The following CDKL4 variants were observed in gnomAD, a reference collection of about 807,000 sequenced individuals.
CDKL4 encodes cyclin dependent kinase like 4.
A neutral mutation model predicts 42.0 loss-of-function variants in CDKL4; 44 were observed. The ratio of observed to expected loss-of-function variants is 1.05; its 90% CI spans 0.82 to 1.35. The LOEUF is 1.35. Among genes scored for constraint, CDKL4 ranks in the 40% most tolerant of loss-of-function variants. The probability of loss-of-function intolerance (pLI) is 0.00; values close to 1 mark genes in which losing one functional copy is unlikely to be tolerated. For synonymous variants in CDKL4, 120 were observed against 121.6 expected (o/e 0.99, Z 0.09); for missense variants, 393 against 369.9 (o/e 1.06, Z -0.51).
intron 1 of CDKL4, among the ~76,000 whole-genome samples, chr2:39,236,154 T>TAAAAAAAAAAAA (rs58561018): frequency 1.1e-5 from 1 of 87,820 alleles, no homozygotes; most frequent in Non-Finnish European, 2.6e-5. Flanking sequence ...AATTTTAGAG[T>TAAAAAAAAAAAA]AAAAAAAAAA....
intron 3 of CDKL4, among the ~76,000 whole-genome samples, chr2:39,217,222 CAA>C (rs929390454): frequency 1.3e-5 from 2 of 152,130 alleles, no homozygotes; most frequent in African/African-American, 4.8e-5. Context: ...TGGGCCAGTG[CAA>C]AACCAAATAT....
intron 4 of CDKL4, among the ~76,000 whole-genome samples, chr2:39,206,563 T>C (rs1178358642): frequency 3.3e-5 from 5 of 152,194 alleles, no homozygotes; most frequent in Non-Finnish European, 5.9e-5. Flanking sequence ...GCGGAGGTGC[T>C]GTGAGAAAAC....
chr2:39,204,366 G>A (rs1487058715), intron 5 of CDKL4, among the ~76,000 whole-genome samples, 161 bp downstream of exon 5: 2 of 152,202 alleles, frequency 1.3e-5, no homozygotes. Flanking sequence ...CAGAGTTGAA[G>A]TGCAAACGAA....
At chr2:39,198,678 A>C (rs535931649) in intron 5 of CDKL4, among the ~76,000 whole-genome samples, 5 of 149,430 alleles carry the variant, frequency 3.3e-5, no homozygotes, top group African/African-American at 1.3e-4. Flanking sequence ...CAACTCCAAA[A>C]GGAATTCTCA....
chr2:39,190,606 G>GA, intron 5 of CDKL4, 104 bp from the exon 6 acceptor site: 1 of 916,212 alleles, frequency 1.1e-6, no homozygotes, highest in Non-Finnish European at 1.8e-6. Context: ...CAGAGGCCAT[G>GA]ATACTCTTAA....
chr2:39,184,970 A>G (rs984179955), intron 7 of CDKL4, among the ~76,000 whole-genome samples: 1 of 151,506 alleles, frequency 6.6e-6, no homozygotes, highest in Non-Finnish European at 1.5e-5. Flanking sequence ...TCTGGCCTCA[A>G]GTGATTCTTC....
chr2:39,215,237 T>C (rs552158880), intron 3 of CDKL4, among the ~76,000 whole-genome samples: 22 of 152,366 alleles, frequency 1.4e-4, no homozygotes, highest in Non-Finnish European at 2.9e-4. Context: ...ATTTTACTAA[T>C]GTTTAGTGAT....
Position 39,185,407 on chromosome 2 carries a change from TATATATACATATATATATAC to T in CDKL4, c.736-780_736-761del, listed in dbSNP as rs1343119537. ...ATATACATGTATATATACATATGTG[TATATATACATATATATATAC>T]ATATGTATATATACATGTATATATA... On this transcript the variant is annotated intron_variant, in intron 7 of 9. Coordinates refer to ENST00000451199, the Ensembl canonical transcript of CDKL4. Among the ~76,000 whole-genome samples the T allele has an allele frequency of 2.2e-4, 4 of 18,176 alleles. 1 individual carries two copies. Among genetic ancestry groups the T allele is most frequent in the African/African-American group, 3.9e-4 (4 of 10,146 alleles). The allele number at this position is 18,176 out of a possible 152,430, so 11.9% of individuals were successfully genotyped here. A position where few individuals can be genotyped will look rare whatever the true frequency, so the allele number is the denominator to read the frequency against.
chr2:39,203,332 G>A (rs1416595413), intron 5 of CDKL4, among the ~76,000 whole-genome samples: 3 of 152,114 alleles, frequency 2.0e-5, no homozygotes, highest in Non-Finnish European at 2.9e-5. Flanking sequence ...CAATTATGAA[G>A]TAACTTTTAT....
intron 7 of CDKL4, among the ~76,000 whole-genome samples, chr2:39,185,373 CATATGTATATATACATGTATATAT>C (rs1425556958): frequency 9.2e-5 from 5 of 54,512 alleles, no homozygotes; most frequent in Admixed American, 2.2e-4. Context: ...TATATATATA[CATATGTATATATACATGTATATAT>C]ACATATGTGT....
intron 3 of CDKL4, among the ~76,000 whole-genome samples, chr2:39,214,172 C>T (rs1677769636): frequency 1.3e-5 from 2 of 152,120 alleles, no homozygotes; most frequent in Non-Finnish European, 1.5e-5. Context: ...ATCCACCTGC[C>T]TCGCCCTCCT....
chr2:39,245,544 G>A (rs1679877763), upstream of CDKL4, among the ~76,000 whole-genome samples: 1 of 152,184 alleles, frequency 6.6e-6, no homozygotes, highest in Admixed American at 6.5e-5. Context: ...GTATAACCTC[G>A]GGGCCGAGCC....
At chr2:39,229,448 C>G in exon 2 of CDKL4, 1 of 1,613,602 alleles carries the variant, frequency 6.2e-7, no homozygotes, top group Non-Finnish European at 8.5e-7. Flanking sequence ...ACAGCTACTA[C>G]TTGTCCAGAG....
At chr2:39,193,310 C>T (rs975821044) in intron 5 of CDKL4, among the ~76,000 whole-genome samples, 1 of 148,982 alleles carries the variant, frequency 6.7e-6, no homozygotes, top group African/African-American at 2.5e-5. Flanking sequence ...GGATGATTTT[C>T]TATGAGTGGA....
At chr2:39,199,303 C>A (rs1676707290) in intron 5 of CDKL4, among the ~76,000 whole-genome samples, 1 of 151,898 alleles carries the variant, frequency 6.6e-6, no homozygotes, top group Non-Finnish European at 1.5e-5. Context: ...GAAATAGAAC[C>A]TCTGAACAGA....
At chr2:39,220,275 T>G (rs1678222096) in intron 3 of CDKL4, among the ~76,000 whole-genome samples, 1 of 152,134 alleles carries the variant, frequency 6.6e-6, no homozygotes, top group Non-Finnish European at 1.5e-5. Flanking sequence ...TGCTGCAGAC[T>G]CTCAGATCTC....
chr2:39,172,875 C>T (rs971998459), downstream of CDKL4, among the ~76,000 whole-genome samples: 1 of 152,150 alleles, frequency 6.6e-6, no homozygotes, highest in Non-Finnish European at 1.5e-5. Context: ...AGCCACTGCA[C>T]CTGGCCTGTT....
At chr2:39,201,515 C>T (rs1010381603) in intron 5 of CDKL4, among the ~76,000 whole-genome samples, 8 of 152,136 alleles carry the variant, frequency 5.3e-5, no homozygotes, top group Middle Eastern at 3.4e-3. Flanking sequence ...AATATATTTG[C>T]ACACGCATGT....
chr2:39,192,540 T>A (rs1039909021), intron 5 of CDKL4, among the ~76,000 whole-genome samples: 9 of 139,398 alleles, frequency 6.5e-5, no homozygotes, highest in African/African-American at 2.3e-4. Flanking sequence ...TAAAAAAAAA[T>A]TTTTTTTTTT....
Sources: gnomAD v4.1 joint callset for allele counts (sites outside exome capture counted in the v4.1 genomes callset) on GRCh38, gnomAD v4.1.1 for gene constraint, MANE v1.5 for transcripts, NCBI Gene and HGNC (gene_info 2026-07-23, HGNC 2026-07-21) for gene names.